Variants in PKNOX2 observed in about 807,000 individuals in gnomAD.
PKNOX2 encodes the protein PBX/knotted 1 homeobox 2.
PKNOX2 carries 14 observed loss-of-function variants against 53.1 expected under a neutral mutation model. That is an observed-to-expected ratio of 0.26 (90% CI 0.17 to 0.41). PKNOX2 has a LOEUF of 0.41. Among genes scored for constraint, PKNOX2 ranks in the 10% least tolerant of loss-of-function variants. The pLI is 1.00. For missense variants in PKNOX2, 496 were observed against 602.8 expected, an observed-to-expected ratio of 0.82 and a Z score of 1.85; for synonymous variants, 257 against 242.8, an observed-to-expected ratio of 1.06 and a Z score of -0.54.
rs1956728630 is a variant in PKNOX2, at chr11:125,432,059, ACT to A, written c.*673_*674del. On this transcript the variant is annotated 3_prime_UTR_variant, in exon 13 of 13. Transcript: ENST00000298282. Reference sequence around the variant, plus strand: ...AGGGATGGGAGCCACAGTGCCCTTCACTCTCTCCTGGAAACCAACTGTAAGCT... The same window carrying A: ...AGGGATGGGAGCCACAGTGCCCTTCACTCTCCTGGAAACCAACTGTAAGCT... 1 of 152,256 alleles carries A rather than the reference ACT, an allele frequency of 6.6e-6. No individual in the cohort carries two copies. Among genetic ancestry groups the A allele is most frequent in the Non-Finnish European group, 1.5e-5 (1 of 68,210 alleles). The allele number at this position is 152,256 out of a possible 1,614,324, so 9.4% of individuals were successfully genotyped here.
chr11:125,325,109 C>T (rs73621082), intron 2 of PKNOX2, among the ~76,000 whole-genome samples: 3,307 of 152,260 alleles, frequency 0.022, 124 homozygotes, highest in African/African-American at 0.073. Flanking sequence ...TGAATTAAAG[C>T]GGACATTTGC....
At chr11:125,237,181 C>T (rs1329278303) in intron 2 of PKNOX2, among the ~76,000 whole-genome samples, 1 of 152,204 alleles carries the variant, frequency 6.6e-6, no homozygotes, top group African/African-American at 2.4e-5. Context: ...GTGACAGCTC[C>T]ATGTAGCCTG....
At chr11:125,185,276 T>C (rs1956383411) in intron 1 of PKNOX2, among the ~76,000 whole-genome samples, 1 of 152,206 alleles carries the variant, frequency 6.6e-6, no homozygotes, top group South Asian at 2.1e-4. Flanking sequence ...TTCATTTGTT[T>C]GGTTGGGCTC....
At chr11:125,396,153 C>A (rs1298450217) in intron 6 of PKNOX2, among the ~76,000 whole-genome samples, 1 of 151,932 alleles carries the variant, frequency 6.6e-6, no homozygotes, top group African/African-American at 2.4e-5. Context: ...GGGGTTTCAC[C>A]ATGTTGGCCA....
intron 3 of PKNOX2, among the ~76,000 whole-genome samples, chr11:125,349,619 G>T (rs1009464617): frequency 1.3e-5 from 2 of 151,822 alleles, no homozygotes; most frequent in African/African-American, 4.8e-5. Flanking sequence ...CTTCCTTTAG[G>T]ACCATGACCT....
chr11:125,323,511 G>A (rs1327176528), intron 2 of PKNOX2, among the ~76,000 whole-genome samples: 2 of 152,164 alleles, frequency 1.3e-5, no homozygotes, highest in Non-Finnish European at 2.9e-5. Flanking sequence ...ATGCCCCAGG[G>A]TGCAGGTCAT....
At chr11:125,218,414 G>A (rs569614513) in intron 1 of PKNOX2, among the ~76,000 whole-genome samples, 1 of 150,224 alleles carries the variant, frequency 6.7e-6, no homozygotes, top group Non-Finnish European at 1.5e-5. Flanking sequence ...TGATGGGGGG[G>A]GGACAGGAAC....
rs184127314 is a variant in PKNOX2 at position 125,182,376 on chromosome 11, T to A, written c.-201+17600T>A. Among the ~76,000 whole-genome samples the A allele has an allele frequency of 1.2e-3, 179 of 152,282 alleles. 1 individual carries two copies. Among genetic ancestry groups the A allele is most frequent in the Non-Finnish European group, 2.2e-3 (151 of 68,030 alleles). Reference sequence around the variant, plus strand: ...TCCCCCAGAGATAGGCAGATAGATGTCTATGGAAGATCTAGCTGAAAGGTA... The same window carrying A: ...TCCCCCAGAGATAGGCAGATAGATGACTATGGAAGATCTAGCTGAAAGGTA... On this transcript the variant is annotated intron_variant, in intron 1 of 12. Transcript: ENST00000298282.
At chr11:125,208,366 C>T (rs2135434269) in intron 1 of PKNOX2, among the ~76,000 whole-genome samples, 1 of 152,132 alleles carries the variant, frequency 6.6e-6, no homozygotes, top group Non-Finnish European at 1.5e-5. Flanking sequence ...TTTTCTATGC[C>T]AGCTGAGGGA....
intron 1 of PKNOX2, among the ~76,000 whole-genome samples, chr11:125,182,700 G>A (rs1423782138): frequency 6.6e-6 from 1 of 152,216 alleles, no homozygotes; most frequent in East Asian, 1.9e-4. Flanking sequence ...GCTGGGTTGT[G>A]AAACTGGCCT....
chr11:125,278,110 T>C (rs1946302332), intron 2 of PKNOX2, among the ~76,000 whole-genome samples: 1 of 151,734 alleles, frequency 6.6e-6, no homozygotes, highest in South Asian at 2.1e-4. Flanking sequence ...TCTCAGCTAC[T>C]CAGGAGGCTG....
chr11:125,422,503 C>T lies in PKNOX2; in HGVS notation c.937-6509C>T, dbSNP rs1014149904. Among the ~76,000 whole-genome samples, 4 of 152,270 alleles carry T rather than the reference C, an allele frequency of 2.6e-5. No homozygotes were observed. Among genetic ancestry groups the T allele is most frequent in the South Asian group, 2.1e-4 (1 of 4,824 alleles). Reference sequence around the variant, plus strand: ...CTGTCGGAGGCATCCCCTGGTGTAGCGCTGTCCCAGGGTGTGTGCCCTGCT... The same window carrying T: ...CTGTCGGAGGCATCCCCTGGTGTAGTGCTGTCCCAGGGTGTGTGCCCTGCT... On this transcript the variant is annotated intron_variant, in intron 10 of 12. Transcript: ENST00000298282. The surrounding 1 kb of genome is among the most constrained non-coding windows in gnomAD (Gnocchi z 4.1).
At chr11:125,389,167 C>A (rs984804893) in intron 6 of PKNOX2, among the ~76,000 whole-genome samples, 4 of 151,962 alleles carry the variant, frequency 2.6e-5, no homozygotes, top group African/African-American at 9.7e-5. Context: ...TGCACTCCAG[C>A]CTGGGCAGCA....
intron 2 of PKNOX2, among the ~76,000 whole-genome samples, chr11:125,316,729 G>T (rs368839173): frequency 6.6e-6 from 1 of 152,192 alleles, no homozygotes; most frequent in Admixed American, 6.5e-5. Context: ...TGAGCCTTCA[G>T]CAAGTCATAA....
chr11:125,190,756 A>C (rs1228919981), intron 1 of PKNOX2, among the ~76,000 whole-genome samples: 1 of 151,992 alleles, frequency 6.6e-6, no homozygotes, highest in Non-Finnish European at 1.5e-5. Flanking sequence ...TGCATCCTTC[A>C]AGCCCAGCAG....
chr11:125,241,041 C>A (rs547822707), intron 2 of PKNOX2, among the ~76,000 whole-genome samples: 1 of 152,298 alleles, frequency 6.6e-6, no homozygotes, highest in African/African-American at 2.4e-5. Context: ...TGCGGCCATG[C>A]CATCCCCATG....
intron 6 of PKNOX2, among the ~76,000 whole-genome samples, chr11:125,389,857 G>A (rs371134173): frequency 2.6e-5 from 4 of 151,942 alleles, no homozygotes; most frequent in Admixed American, 1.3e-4. Context: ...GGTGTGGCTC[G>A]AGGGACAGAT....
At chr11:125,246,719 T>G (rs973957271) in intron 2 of PKNOX2, among the ~76,000 whole-genome samples, 1 of 152,194 alleles carries the variant, frequency 6.6e-6, no homozygotes. Flanking sequence ...ATGTTAGGCA[T>G]GCTTGACCCT....
intron 1 of PKNOX2, among the ~76,000 whole-genome samples, chr11:125,187,267 A>G (rs934284598): frequency 4.6e-5 from 7 of 152,100 alleles, no homozygotes; most frequent in African/African-American, 1.4e-4. Flanking sequence ...GAATTCTGAT[A>G]GGGATTTCTT....
Sources: gnomAD v4.1 joint callset for allele counts (sites outside exome capture counted in the v4.1 genomes callset) on GRCh38, gnomAD v4.1.1 for gene constraint, Gnocchi (gnomAD v3.1) non-coding constraint, MANE v1.5 for transcripts, NCBI Gene and HGNC (gene_info 2026-07-23, HGNC 2026-07-21) for gene names.